SPATA6: variants seen among roughly 807,000 people sequenced by gnomAD.
SPATA6 encodes spermatogenesis-associated protein 6.
Under a neutral mutation model 65.3 loss-of-function variants are expected in SPATA6, and 56 were observed. That is an observed-to-expected ratio of 0.86 (90% confidence interval 0.69 to 1.07). SPATA6 has a LOEUF of 1.07. Ranked by LOEUF, SPATA6 falls within the 50% of genes least tolerant of loss-of-function variation. The pLI, the probability that SPATA6 is intolerant of heterozygous loss-of-function variation, is 0.00. For missense variants in SPATA6, 590 were observed against 594.8 expected, an observed-to-expected ratio of 0.99 and a Z score of 0.08; for synonymous variants, 199 against 213.2, an observed-to-expected ratio of 0.93 and a Z score of 0.58.
At chr1:48,395,529 T>C (rs1281412588) in intron 7 of SPATA6, among the ~76,000 whole-genome samples, 175 bp from the exon 8 acceptor site, 3 of 151,964 alleles carry the variant, frequency 2.0e-5, no homozygotes, top group Admixed American at 2.0e-4. Context: ...TTGTTGTTCG[T>C]TGCAAAATAA....
At chr1:48,447,273 C>A (rs1656145098) in intron 3 of SPATA6, among the ~76,000 whole-genome samples, 1 of 152,130 alleles carries the variant, frequency 6.6e-6, no homozygotes, top group African/African-American at 2.4e-5. Flanking sequence ...AATCCCAGCA[C>A]TTTGTGAGGC....
intron 9 of SPATA6, among the ~76,000 whole-genome samples, chr1:48,362,309 C>T (rs930189151): frequency 6.6e-6 from 1 of 152,042 alleles, no homozygotes; most frequent in Non-Finnish European, 1.5e-5. Flanking sequence ...AGGTGTCACA[C>T]TGTTGTTTCT....
chr1:48,445,731 A>G (rs1220604437), intron 3 of SPATA6, among the ~76,000 whole-genome samples: 2 of 151,278 alleles, frequency 1.3e-5, no homozygotes, highest in Non-Finnish European at 2.9e-5. Flanking sequence ...ACATGTGTAC[A>G]TAGGCTATGC....
intron 7 of SPATA6, among the ~76,000 whole-genome samples, chr1:48,396,118 C>T (rs1312464730): frequency 6.6e-6 from 1 of 151,650 alleles, no homozygotes; most frequent in East Asian, 1.9e-4. Flanking sequence ...TTCAACAACC[C>T]TAATCATTAA....
rs1206564971 is a variant in SPATA6 at position 48,296,239 on chromosome 1, G to A, written c.*2474C>T. 6.6e-6 allele frequency: 1 copy of A among 151,810 alleles called. No homozygotes were observed. Among genetic ancestry groups the A allele is most frequent in the African/African-American group, 2.4e-5 (1 of 41,370 alleles). 9.4% of individuals were successfully genotyped at this position (151,810 alleles called of 1,614,324 possible). A position where few individuals can be genotyped will look rare whatever the true frequency, so the allele number is the denominator to read the frequency against. On this transcript the variant is annotated 3_prime_UTR_variant, in exon 13 of 13. Transcript: ENST00000371847. ...AAAAGACAACTATTAGTACTTAAAG[G>A]TTTTACTCTTTAAAAACAATACAGC...
chr1:48,336,862 A>C (rs1646075723), intron 11 of SPATA6, among the ~76,000 whole-genome samples: 1 of 152,010 alleles, frequency 6.6e-6, no homozygotes, highest in Non-Finnish European at 1.5e-5. Flanking sequence ...TGATAATATA[A>C]ATGAAACAGG....
intron 11 of SPATA6, chr1:48,325,539 C>T (rs1339855246): frequency 1.7e-6 from 2 of 1,187,974 alleles, no homozygotes; most frequent in East Asian, 4.7e-5. Flanking sequence ...GGAGTTCTTC[C>T]TCTTCCTCTT....
chr1:48,285,468 C>G, the SPATA6 span, among the ~76,000 whole-genome samples: 6 of 119,124 alleles, frequency 5.0e-5, no homozygotes, highest in African/African-American at 1.7e-4. Flanking sequence ...CCAGGTGCCA[C>G]TGGGGTATGA....
intron 11 of SPATA6, among the ~76,000 whole-genome samples, chr1:48,337,613 C>CTCAAAAACTACAATCTATTAATA (rs1553150116): frequency 1.3e-5 from 2 of 151,726 alleles, no homozygotes; most frequent in Non-Finnish European, 2.9e-5. Context: ...CATTAGAACA[C>CTCAAAAACTACAATCTATTAATA]TCAAAAACTA....
intron 3 of SPATA6, among the ~76,000 whole-genome samples, chr1:48,445,265 A>G (rs1303425501): frequency 6.6e-6 from 1 of 152,204 alleles, no homozygotes. Context: ...TTAAATTTAA[A>G]GGCTCAGTAC....
chr1:48,313,512 C>T (rs1277003171), intron 11 of SPATA6, among the ~76,000 whole-genome samples: 1 of 152,072 alleles, frequency 6.6e-6, no homozygotes, highest in Admixed American at 6.5e-5. Flanking sequence ...TTTGTCACCA[C>T]CAGGCCTGCC....
chr1:48,311,258 T>A (rs1570039091), intron 11 of SPATA6, among the ~76,000 whole-genome samples: 1 of 151,996 alleles, frequency 6.6e-6, no homozygotes, highest in African/African-American at 2.4e-5. Flanking sequence ...ATAAAACCAA[T>A]GAAAACCAAA....
chr1:48,311,686 A>C (rs1477339170), intron 11 of SPATA6, among the ~76,000 whole-genome samples: 1 of 152,202 alleles, frequency 6.6e-6, no homozygotes, highest in Non-Finnish European at 1.5e-5. Context: ...CTGAGGTACC[A>C]GGTTCATCTC....
intron 12 of SPATA6, among the ~76,000 whole-genome samples, chr1:48,303,485 C>G (rs150541934): frequency 2.6e-4 from 40 of 152,214 alleles, no homozygotes; most frequent in African/African-American, 9.1e-4. Flanking sequence ...TCCATGAGAT[C>G]AACTTTTTTA....
At position 48,295,438 on chromosome 1, in the gene SPATA6, A is replaced by G. The variant is rs1234949817; in HGVS notation, c.*3275T>C. 6.6e-6 allele frequency: 1 copy of G among 152,234 alleles called. No individual in the cohort carries two copies. Among genetic ancestry groups the G allele is most frequent in the Non-Finnish European group, 1.5e-5 (1 of 68,030 alleles). The allele number at this position is 152,234 out of a possible 1,614,324, so 9.4% of individuals were successfully genotyped here. A position where few individuals can be genotyped will look rare whatever the true frequency, so the allele number is the denominator to read the frequency against. Reference sequence around the variant, plus strand: ...ATGAAGTATTCATACGTGTTACAACATGCATGAACTCTCAAAATATTTTGC... The same window carrying G: ...ATGAAGTATTCATACGTGTTACAACGTGCATGAACTCTCAAAATATTTTGC... On this transcript the variant is annotated 3_prime_UTR_variant, in exon 13 of 13. Coordinates refer to ENST00000371847, the MANE Select transcript of SPATA6 (RefSeq NM_019073.4).
chr1:48,429,042 T>C (rs1295135718), intron 3 of SPATA6, among the ~76,000 whole-genome samples: 1 of 151,408 alleles, frequency 6.6e-6, no homozygotes. Flanking sequence ...CTTAGTACAA[T>C]AACAGCTACC....
chr1:48,419,081 C>CA (rs1312337827), intron 3 of SPATA6, among the ~76,000 whole-genome samples: 2 of 152,046 alleles, frequency 1.3e-5, no homozygotes, highest in Non-Finnish European at 2.9e-5. Flanking sequence ...ACTTTAAAAA[C>CA]AAAAAACTTA....
chr1:48,283,761 C>CTCTCTTCTGGCA, the SPATA6 span, among the ~76,000 whole-genome samples: 1 of 144,824 alleles, frequency 6.9e-6, no homozygotes, highest in South Asian at 2.2e-4. Context: ...TTGGTCCCCA[C>CTCTCTTCTGGCA]TCTCTTCTGG....
At chr1:48,271,378 CTGAACTGAGGAACTATTTCTTTCTTCT>C in the SPATA6 span, among the ~76,000 whole-genome samples, 1 of 152,116 alleles carries the variant, frequency 6.6e-6, no homozygotes, top group African/African-American at 2.4e-5. Flanking sequence ...AACATTAACT[CTGAACTGAGGAACTATTTCTTTCTTCT>C]TGAGTACTGT....
Sources: gnomAD v4.1 joint callset for allele counts (sites outside exome capture counted in the v4.1 genomes callset) on GRCh38, gnomAD v4.1.1 for gene constraint, MANE v1.5 for transcripts, NCBI Gene and HGNC (gene_info 2026-07-23, HGNC 2026-07-21) for gene names.